The following SH2B2 variants were observed in gnomAD, a reference collection of about 807,000 sequenced individuals.
SH2B2 encodes SH2B adapter protein 2.
SH2B2 carries 37 observed loss-of-function variants against 35.7 expected under a neutral mutation model. The observed-to-expected ratio is 1.04, with a 90% confidence interval of 0.80 to 1.36. The LOEUF (loss-of-function observed/expected upper bound fraction) is 1.36, where lower values mean the gene tolerates loss of function less well. Among genes scored for constraint, SH2B2 ranks in the 40% most tolerant of loss-of-function variants. The pLI is 0.00. For missense variants in SH2B2, 852 were observed against 817.7 expected, an observed-to-expected ratio of 1.04 and a Z score of -0.51; for synonymous variants, 383 against 376.4, an observed-to-expected ratio of 1.02 and a Z score of -0.20.
chr7:102,295,496 TGGTG>T (rs1263567006), intron 1 of SH2B2, among the ~76,000 whole-genome samples: 2 of 152,048 alleles, frequency 1.3e-5, no homozygotes, highest in African/African-American at 4.8e-5. Context: ...GTGGTGGTGG[TGGTG>T]GTGGCAGGTG....
intron 4 of SH2B2, chr7:102,309,159 G>A: frequency 1.6e-6 from 1 of 610,274 alleles, no homozygotes; most frequent in Admixed American, 2.1e-5. Flanking sequence ...ACCAGGTCTT[G>A]TCTTCACCCC....
At chr7:102,287,721 G>T (rs1303852058) in intron 1 of SH2B2, among the ~76,000 whole-genome samples, 2 of 152,272 alleles carry the variant, frequency 1.3e-5, no homozygotes, top group African/African-American at 4.8e-5. Context: ...CTTGGGCCTC[G>T]GCCATTGATG....
chr7:102,293,693 C>A (rs1792790356), intron 1 of SH2B2, among the ~76,000 whole-genome samples: 2 of 152,088 alleles, frequency 1.3e-5, no homozygotes, highest in Admixed American at 1.3e-4. Flanking sequence ...CCTACCTGTC[C>A]CTAGTCCCAA....
At chr7:102,321,154 G>A (rs886911125) in intron 8 of SH2B2, 145 bp from the exon 9 acceptor site, 2 of 596,104 alleles carry the variant, frequency 3.4e-6, no homozygotes, top group South Asian at 8.5e-5. Context: ...GCATGTGGGC[G>A]GGTGTGCTTG....
chr7:102,304,619 C>T (rs1793320114), intron 2 of SH2B2, among the ~76,000 whole-genome samples: 2 of 152,198 alleles, frequency 1.3e-5, no homozygotes, highest in Non-Finnish European at 2.9e-5. Context: ...GGGCACAGTG[C>T]GTTGTGGCTG....
intron 2 of SH2B2, 69 bp downstream of exon 2, chr7:102,301,348 G>T: frequency 6.7e-7 from 1 of 1,499,670 alleles, no homozygotes; most frequent in Non-Finnish European, 8.9e-7. Context: ...AGCTGAGGGT[G>T]CCAGGGACTG....
chr7:102,311,815 G>A (rs1295839544), intron 4 of SH2B2, among the ~76,000 whole-genome samples: 1 of 152,066 alleles, frequency 6.6e-6, no homozygotes, highest in Admixed American at 6.5e-5. Flanking sequence ...GGTGGTGCAC[G>A]CCTGTAATCC....
intron 2 of SH2B2, among the ~76,000 whole-genome samples, chr7:102,304,060 C>T (rs1414956381): frequency 1.3e-5 from 2 of 152,048 alleles, no homozygotes; most frequent in African/African-American, 4.8e-5. Flanking sequence ...TTGAGTTTCC[C>T]AAATGTGTCT....
chr7:102,317,041 A>T, intron 6 of SH2B2, 146 bp from the exon 7 acceptor site: 2 of 727,054 alleles, frequency 2.8e-6, no homozygotes, highest in Non-Finnish European at 4.3e-6. Flanking sequence ...AATAAAAACT[A>T]AAAACCAACC....
In SH2B2 at chr7:102,306,801, G is replaced by A; in HGVS notation, c.810G>A (p.Lys270=). The A allele has an allele frequency of 1.9e-6, 3 of 1,591,490 alleles. No individual in the cohort carries two copies. Among genetic ancestry groups the A allele is most frequent in the Non-Finnish European group, 2.6e-6 (3 of 1,169,238 alleles). Residue 270 remains lysine, a synonymous_variant, in exon 3 of 9, where the codon AAG becomes AAA. Coordinates refer to ENST00000444095, the MANE Select transcript of SH2B2 (RefSeq NM_001359228.2). The part of the protein sequence containing the change: ...RTTMPLEMPE[K]DNTFVLKVEN... Reference sequence around the variant, plus strand: ...CCATGCCCCTGGAAATGCCAGAGAAGGATAACACATTCGTCCTCAAGGTGA... The same window carrying A: ...CCATGCCCCTGGAAATGCCAGAGAAAGATAACACATTCGTCCTCAAGGTGA...
chr7:102,299,197 C>CTGTTTTTTTTTTT (rs1793047629), intron 1 of SH2B2, among the ~76,000 whole-genome samples: 2 of 24,630 alleles, frequency 8.1e-5, no homozygotes, highest in African/African-American at 2.0e-4. Context: ...CCGCGCCTGG[C>CTGTTTTTTTTTTT]TTTTTTTTTT....
chr7:102,286,301 A>G (rs552444959), upstream of SH2B2, among the ~76,000 whole-genome samples: 4 of 152,008 alleles, frequency 2.6e-5, no homozygotes, highest in South Asian at 4.2e-4. Context: ...CGCCCTCGAG[A>G]TTTATGAGAA....
In SH2B2 at chr7:102,303,374, G is replaced by A. The variant is rs185926337; in HGVS notation, c.729+2095G>A. ...GACAGCACCCCCAGGGACCACCGGG[G>A]ACCCCACACCCACCTCCCGCATCAG... is the stretch of plus-strand genomic sequence containing the variant. On this transcript the variant is annotated intron_variant, in intron 2 of 8. Transcript: ENST00000444095. Among the ~76,000 whole-genome samples, 444 of 152,176 alleles carry A rather than the reference G, an allele frequency of 2.9e-3. 6 individuals carry two copies. Among genetic ancestry groups the A allele is most frequent in the African/African-American group, 0.01 (419 of 41,516 alleles).
intron 2 of SH2B2, among the ~76,000 whole-genome samples, chr7:102,304,087 C>T (rs781921124): frequency 6.6e-5 from 10 of 152,106 alleles, no homozygotes; most frequent in Non-Finnish European, 1.0e-4. Flanking sequence ...AGGAGACAGG[C>T]TCCCAGGGTG....
intron 1 of SH2B2, among the ~76,000 whole-genome samples, chr7:102,287,962 G>A (rs1172572223): frequency 1.3e-5 from 2 of 152,184 alleles, no homozygotes; most frequent in Non-Finnish European, 1.5e-5. Context: ...GTGCAAGGGA[G>A]AGCCTCAGGC....
chr7:102,285,851 G>A (rs1198495793), upstream of SH2B2, among the ~76,000 whole-genome samples: 1 of 152,174 alleles, frequency 6.6e-6, no homozygotes, highest in African/African-American at 2.4e-5. Context: ...ATCTCCAGGA[G>A]CAAGACTACT....
At chr7:102,306,572 C>G (rs1793406239) in intron 2 of SH2B2, 149 bp from the exon 3 acceptor site, 4 of 639,588 alleles carry the variant, frequency 6.3e-6, no homozygotes, top group African/African-American at 1.8e-5. Context: ...TCAGCTTCCC[C>G]CTCTGTGAAA....
chr7:102,311,971 A>G (rs80041410), intron 4 of SH2B2, among the ~76,000 whole-genome samples: 98,905 of 151,178 alleles, frequency 0.65, 32,398 homozygotes, highest in East Asian at 0.73. Context: ...CCAGCTACTC[A>G]GGAGGCTGAG....
intron 8 of SH2B2, among the ~76,000 whole-genome samples, chr7:102,321,026 T>C (rs1361187735): frequency 6.7e-6 from 1 of 149,296 alleles, no homozygotes; most frequent in African/African-American, 2.6e-5. Context: ...CGTGTGCTTG[T>C]GTGCCTGTGT....
Sources: allele counts gnomAD v4.1 joint callset (sites outside exome capture counted in the v4.1 genomes callset), GRCh38; gene constraint gnomAD v4.1.1; transcripts MANE v1.5; gene names NCBI Gene and HGNC (gene_info 2026-07-23, HGNC 2026-07-21).